HYDIN: variants seen among roughly 807,000 people sequenced by gnomAD.
The protein encoded by HYDIN is HYDIN axonemal central pair apparatus protein.
Under a neutral mutation model 403.9 loss-of-function variants are expected in HYDIN, and 132 were observed. The ratio of observed to expected loss-of-function variants is 0.33; its 90% CI spans 0.28 to 0.38. HYDIN has a LOEUF of 0.38. HYDIN is among the 10% of genes least tolerant of loss of function. HYDIN has a pLI of 1.00. For synonymous variants in HYDIN, 1,202 were observed against 1,891.7 expected (o/e 0.64, Z 9.46); for missense variants, 2,827 against 5,009.5 (o/e 0.56, Z 13.15).
chr16:70,878,944 GTTTCT>G (rs2040612641), intron 62 of HYDIN, among the ~76,000 whole-genome samples: 1 of 142,644 alleles, frequency 7.0e-6, no homozygotes, highest in Non-Finnish European at 1.5e-5. Context: ...CCCTCCTGAA[GTTTCT>G]TTTATCATCT....
intron 45 of HYDIN, among the ~76,000 whole-genome samples, chr16:70,928,577 T>A (rs1390262660): frequency 6.8e-6 from 1 of 146,294 alleles, no homozygotes; most frequent in Non-Finnish European, 1.5e-5. Flanking sequence ...CTGAGGAAAA[T>A]AAGACTCTTT....
At chr16:70,871,430 C>T (rs2040092519) in intron 65 of HYDIN, among the ~76,000 whole-genome samples, 1 of 152,074 alleles carries the variant, frequency 6.6e-6, no homozygotes, top group Non-Finnish European at 1.5e-5. Flanking sequence ...CAACCACTGG[C>T]CAGAGGCAAC....
Position 70,879,671 on chromosome 16 carries a change from G to C in HYDIN, c.10301C>G (p.Ser3434Cys). ...ASHSHAFATV[S>C]FTPQIMQNYQ... is the part of the protein sequence containing the mutation. ...GTTCTGCATGATCTGCGGGGTGAAG[G>C]ACACCGTGGCAAAGGCATGGGAATG... Residue 3434 changes from serine to cysteine, a missense_variant, in exon 61 of 86, where the codon TCC becomes TGC. Transcript: ENST00000393567. The C allele has an allele frequency of 6.4e-7, 1 of 1,562,600 alleles. No individual in the cohort carries two copies. Among genetic ancestry groups the C allele is most frequent in the Non-Finnish European group, 8.8e-7 (1 of 1,139,432 alleles).
intron 58 of HYDIN, among the ~76,000 whole-genome samples, chr16:70,885,103 C>T (rs1047401517): frequency 3.3e-5 from 5 of 151,170 alleles, no homozygotes; most frequent in African/African-American, 1.2e-4. Flanking sequence ...TGAGTGATAA[C>T]TTGCTTTGCG....
At chr16:70,965,756 C>T (rs2078553684) in intron 36 of HYDIN, among the ~76,000 whole-genome samples, 3 of 151,588 alleles carry the variant, frequency 2.0e-5, no homozygotes, top group African/African-American at 7.3e-5. Flanking sequence ...TGCTAATAGG[C>T]TCCATGTAAA....
chr16:71,130,307 C>G (rs1040683049), intron 8 of HYDIN, among the ~76,000 whole-genome samples: 10 of 152,074 alleles, frequency 6.6e-5, no homozygotes, highest in African/African-American at 2.4e-4. Context: ...GATCTGTTTA[C>G]TAGCTCTGTG....
Position 70,855,270 on chromosome 16 carries a change from C to T in HYDIN, c.12301G>A (p.Glu4101Lys), listed in dbSNP as rs2038945985. 1 of 1,565,700 alleles carries T rather than the reference C, an allele frequency of 6.4e-7. No homozygotes were observed. The highest frequency in any genetic ancestry group is 1.1e-5 in the South Asian group (1 of 89,782). ...LNFSSLLIGR[E>K]ARETVQIINK... ...ATGATCTGCACAGTCTCCCTGGCTT[C>T]TCTGCCTGAGGAGGAAACACCAGCC... Residue 4101 changes from glutamate to lysine, a missense_variant, in exon 73 of 86, where the codon GAA becomes AAA. Transcript: ENST00000393567.
intron 7 of HYDIN, among the ~76,000 whole-genome samples, chr16:71,140,982 GA>G (rs551582365): frequency 2.7e-5 from 4 of 150,210 alleles, no homozygotes; most frequent in East Asian, 3.9e-4. Context: ...TAGATCTAAG[GA>G]AAAAAAATGG....
intron 66 of HYDIN, among the ~76,000 whole-genome samples, chr16:70,867,962 C>A (rs2039857380): frequency 6.6e-6 from 1 of 152,034 alleles, no homozygotes; most frequent in African/African-American, 2.4e-5. Flanking sequence ...AGCCACTGTG[C>A]CTGGCCTGAT....
chr16:70,962,515 GATTTTTA>G (rs2078449499), intron 37 of HYDIN, among the ~76,000 whole-genome samples: 1 of 152,188 alleles, frequency 6.6e-6, no homozygotes, highest in African/African-American at 2.4e-5. Context: ...CAACCTCTCA[GATTTTTA>G]ATTTTTAATT....
chr16:71,183,390 T>C (rs2086988054), intron 3 of HYDIN, among the ~76,000 whole-genome samples: 1 of 152,050 alleles, frequency 6.6e-6, no homozygotes, highest in South Asian at 2.1e-4. Context: ...AAAAATGATA[T>C]GAAAAAAATA....
intron 6 of HYDIN, among the ~76,000 whole-genome samples, chr16:71,161,934 C>A (rs2086017028): frequency 1.4e-5 from 2 of 146,092 alleles, no homozygotes. Context: ...ATCCCAACAA[C>A]CTTATGAAGT....
In HYDIN at chr16:71,135,668, G is replaced by A. The variant is rs565125094; in HGVS notation, c.1043+1483C>T. ...GTTGGGCCATTTTGATCGCTGGTGAGCACATGTGAGTCGGGGAACCAGGGC... is the reference window on the plus strand; with the variant it reads ...GTTGGGCCATTTTGATCGCTGGTGAACACATGTGAGTCGGGGAACCAGGGC... On this transcript the variant is annotated intron_variant, in intron 8 of 85. Coordinates refer to ENST00000393567, the MANE Select transcript of HYDIN (RefSeq NM_001270974.2). 4.6e-5 allele frequency among the ~76,000 whole-genome samples: 7 copies of A among 152,306 alleles called. No homozygotes were observed. The South Asian group carries it at 1.5e-3, about 32-fold the overall frequency.
intron 16 of HYDIN, among the ~76,000 whole-genome samples, 182 bp downstream of exon 16, chr16:71,064,523 G>A (rs1420664537): frequency 6.6e-6 from 1 of 152,020 alleles, no homozygotes; most frequent in African/African-American, 2.4e-5. Flanking sequence ...AGCTGCTCAG[G>A]CATGCAGCTA....
intron 7 of HYDIN, among the ~76,000 whole-genome samples, chr16:71,138,871 G>A (rs1231038587): frequency 2.0e-5 from 3 of 152,136 alleles, no homozygotes; most frequent in African/African-American, 7.2e-5. Flanking sequence ...ATCACCCGAG[G>A]TCGGGAGTTC....
At chr16:71,020,487 C>T (rs1490787762) in intron 21 of HYDIN, among the ~76,000 whole-genome samples, 170 bp from the exon 22 acceptor site, 1 of 151,814 alleles carries the variant, frequency 6.6e-6, no homozygotes, top group Non-Finnish European at 1.5e-5. Context: ...TGTATACATA[C>T]ATTTTTCTCC....
At chr16:70,813,456 C>T (rs989154779) in intron 84 of HYDIN, among the ~76,000 whole-genome samples, 5 of 151,988 alleles carry the variant, frequency 3.3e-5, no homozygotes, top group African/African-American at 9.7e-5. Flanking sequence ...AGTCATGCTT[C>T]GAGATGACTA....
rs1798508 is a variant in HYDIN, at chr16:70,842,839, T to A, written c.12874-2606A>T. Reference sequence around the variant, plus strand: ...CTTTTTTATTCTTCTATTCCTCCATTACTGCCTTCTTTTGTGTTAAGTAGA... The same window carrying A: ...CTTTTTTATTCTTCTATTCCTCCATAACTGCCTTCTTTTGTGTTAAGTAGA... On this transcript the variant is annotated intron_variant, in intron 75 of 85. Transcript: ENST00000393567. Among the ~76,000 whole-genome samples the A allele has an allele frequency of 2.0e-3, 304 of 152,130 alleles. 13 individuals carry two copies. In the South Asian group the frequency reaches 0.059, roughly 30 times the overall value.
rs144256824 is a variant in HYDIN, at chr16:71,108,164, A to G, written c.1327+7532T>C. Among the ~76,000 whole-genome samples the G allele has an allele frequency of 7.0e-3, 1,066 of 152,288 alleles. 7 individuals are homozygous for G. Among genetic ancestry groups the G allele is most frequent in the African/African-American group, 0.025 (1,020 of 41,558 alleles). On this transcript the variant is annotated intron_variant, in intron 10 of 85. Coordinates refer to ENST00000393567, the MANE Select transcript of HYDIN (RefSeq NM_001270974.2). ...AGGGGAACAACAGACACTGGGGCCT[A>G]GTGGAGGGCGGAGGGTGAGAGGAGG...
Sources: gnomAD v4.1 joint callset for allele counts (sites outside exome capture counted in the v4.1 genomes callset) on GRCh38, gnomAD v4.1.1 for gene constraint, MANE v1.5 for transcripts, NCBI Gene and HGNC (gene_info 2026-07-23, HGNC 2026-07-21) for gene names.